DLGAP4: variants seen among roughly 807,000 people sequenced by gnomAD.
DLGAP4 encodes DLG associated protein 4, also known as disks large-associated protein 4.
In DLGAP4, 18 loss-of-function variants were observed where a neutral mutation model predicts 86.9. The ratio of observed to expected loss-of-function variants is 0.21; its 90% CI spans 0.14 to 0.31. The LOEUF (loss-of-function observed/expected upper bound fraction) is 0.31. DLGAP4 is among the 10% of genes least tolerant of loss of function. The probability of loss-of-function intolerance (pLI) is 1.00; values close to 1 mark genes in which losing one functional copy is unlikely to be tolerated. For synonymous variants in DLGAP4, 548 were observed against 574.3 expected (o/e 0.95, Z 0.65); for missense variants, 1,085 against 1,362.6 (o/e 0.80, Z 3.21).
At chr20:36,311,233 TG>T (rs1178127311) in intron 1 of DLGAP4, among the ~76,000 whole-genome samples, 10 of 149,676 alleles carry the variant, frequency 6.7e-5, no homozygotes, top group East Asian at 1.9e-4. Context: ...ACTCGGAGGG[TG>T]GGGGGGGTGG....
chr20:36,506,814 A>G (rs2036399776), intron 10 of DLGAP4, among the ~76,000 whole-genome samples: 1 of 152,020 alleles, frequency 6.6e-6, no homozygotes, highest in Admixed American at 6.6e-5. Flanking sequence ...ATTAAACACT[A>G]ACTCCCCATT....
At chr20:36,435,394 G>T (rs1299048739) in intron 3 of DLGAP4, among the ~76,000 whole-genome samples, 1 of 152,196 alleles carries the variant, frequency 6.6e-6, no homozygotes, top group African/African-American at 2.4e-5. Flanking sequence ...AGGTCCCCTC[G>T]GTTGGTTACT....
chr20:36,328,710 C>T (rs782562214), intron 1 of DLGAP4, among the ~76,000 whole-genome samples: 1 of 151,948 alleles, frequency 6.6e-6, no homozygotes, highest in Non-Finnish European at 1.5e-5. Flanking sequence ...CTCACTGCAA[C>T]CTCCACCTCC....
intron 7 of DLGAP4, among the ~76,000 whole-genome samples, chr20:36,450,660 C>T (rs1048547385): frequency 2.0e-5 from 3 of 152,166 alleles, no homozygotes; most frequent in Non-Finnish European, 4.4e-5. Context: ...TATGTCAGGT[C>T]TGGATGTGGC....
chr20:36,451,154 C>T (rs756616123), intron 7 of DLGAP4, among the ~76,000 whole-genome samples: 4 of 152,214 alleles, frequency 2.6e-5, no homozygotes, highest in African/African-American at 7.2e-5. Flanking sequence ...TACCCATGCA[C>T]CTACCTCAAA....
intron 2 of DLGAP4, among the ~76,000 whole-genome samples, chr20:36,384,155 TG>T (rs1280434132): frequency 6.6e-6 from 1 of 151,640 alleles, no homozygotes; most frequent in Non-Finnish European, 1.5e-5. Context: ...CTGTTTGGGG[TG>T]CGGGGCACTC....
chr20:36,507,712 A>G (rs1428741606), intron 10 of DLGAP4: 1 of 152,232 alleles, frequency 6.6e-6, no homozygotes, highest in Admixed American at 6.5e-5. Context: ...TAATGGCACA[A>G]AACAACCATT....
At chr20:36,497,554 G>T (rs1009363796) in intron 8 of DLGAP4, 2 of 989,480 alleles carry the variant, frequency 2.0e-6, no homozygotes, top group East Asian at 2.3e-4. Flanking sequence ...AGCCATGGGG[G>T]TTGCTCGAGG....
At position 36,527,144 on chromosome 20, in the gene DLGAP4, A is replaced by G. The variant is rs2037821817; in HGVS notation, c.*113A>G. The G allele has an allele frequency of 5.1e-6, 6 of 1,179,938 alleles. 1 individual carries two copies. In the South Asian group the frequency reaches 1.2e-4, roughly 23 times the overall value. The allele number at this position is 1,179,938 out of a possible 1,614,324, so 73.1% of individuals were successfully genotyped here. On this transcript the variant is annotated 3_prime_UTR_variant, in exon 13 of 13. Coordinates refer to ENST00000339266, the MANE Select transcript of DLGAP4 (RefSeq NM_001365621.2). ...ATGGTTATTCTGTCTAGAGACCCTG[A>G]GCCAACTTTCAAATTGACGCATACA...
At chr20:36,436,467 G>T in intron 4 of DLGAP4, 117 bp downstream of exon 4, 1 of 1,408,302 alleles carries the variant, frequency 7.1e-7, no homozygotes, top group Non-Finnish European at 9.3e-7. Context: ...TGGGAGCCAC[G>T]CCCCCTTTGA....
At chr20:36,325,370 G>A (rs1384390804) in intron 1 of DLGAP4, among the ~76,000 whole-genome samples, 1 of 151,976 alleles carries the variant, frequency 6.6e-6, no homozygotes, top group Non-Finnish European at 1.5e-5. Context: ...TTGTTTAATG[G>A]CCCAGAATCT....
chr20:36,372,868 C>T (rs543720690), intron 2 of DLGAP4, among the ~76,000 whole-genome samples: 7 of 152,118 alleles, frequency 4.6e-5, no homozygotes, highest in African/African-American at 1.7e-4. Flanking sequence ...TTGTCCATGG[C>T]GCATTGTTGG....
At chr20:36,506,898 T>C (rs1486261014) in intron 10 of DLGAP4, among the ~76,000 whole-genome samples, 1 of 152,228 alleles carries the variant, frequency 6.6e-6, no homozygotes, top group Non-Finnish European at 1.5e-5. Flanking sequence ...AGCTACTTCA[T>C]GTAAGTGGAA....
chr20:36,368,969 G>C (rs1343093349), intron 2 of DLGAP4, among the ~76,000 whole-genome samples: 3 of 152,196 alleles, frequency 2.0e-5, no homozygotes, highest in Non-Finnish European at 2.9e-5. Flanking sequence ...CACCCTCCGG[G>C]CCAGGCTCTG....
intron 7 of DLGAP4, chr20:36,465,497 C>T (rs578056599): frequency 6.6e-6 from 1 of 152,554 alleles, no homozygotes; most frequent in East Asian, 1.9e-4. Context: ...AGGTTTATGG[C>T]TTCTGCCTGA....
At chr20:36,353,932 G>A (rs1040531419) in intron 1 of DLGAP4, among the ~76,000 whole-genome samples, 1 of 152,208 alleles carries the variant, frequency 6.6e-6, no homozygotes, top group Non-Finnish European at 1.5e-5. Flanking sequence ...CTTACCTAAG[G>A]TCACCCAGCA....
intron 7 of DLGAP4, among the ~76,000 whole-genome samples, chr20:36,449,429 A>T (rs2147584761): frequency 6.6e-6 from 1 of 152,294 alleles, no homozygotes; most frequent in Admixed American, 6.5e-5. Context: ...CTCCGAAAAT[A>T]CAGACTGGCC....
intron 2 of DLGAP4, among the ~76,000 whole-genome samples, chr20:36,391,813 A>G (rs1569483090): frequency 6.6e-6 from 1 of 152,172 alleles, no homozygotes. Flanking sequence ...GCCGTCTCCA[A>G]TGCAACCAGT....
chr20:36,376,796 C>G lies in DLGAP4; in HGVS notation c.-73+9521C>G, dbSNP rs1342068106. Among the ~76,000 whole-genome samples, 3 of 152,266 alleles carry G rather than the reference C, an allele frequency of 2.0e-5. No homozygotes were observed. In the East Asian group the frequency reaches 5.8e-4, roughly 29 times the overall value. On this transcript the variant is annotated intron_variant, in intron 2 of 12. Coordinates refer to ENST00000339266, the MANE Select transcript of DLGAP4 (RefSeq NM_001365621.2). ...GCCTCCAGGGTCCCGCGTCTCTTCC[C>G]CTTGTGGAGCCTCAGTTTTCTCCTA...
Sources: allele counts gnomAD v4.1 joint callset (sites outside exome capture counted in the v4.1 genomes callset), GRCh38; gene constraint gnomAD v4.1.1; transcripts MANE v1.5; gene names NCBI Gene and HGNC (gene_info 2026-07-23, HGNC 2026-07-21).